COQ7: variants seen among roughly 807,000 people sequenced by gnomAD.
The protein encoded by COQ7 is NADPH-dependent 3-demethoxyubiquinone 3-hydroxylase, mitochondrial.
A neutral mutation model predicts 25.0 loss-of-function variants in COQ7; 21 were observed. That is an observed-to-expected ratio of 0.84 (90% CI 0.60 to 1.21). COQ7 has a LOEUF of 1.21. Among genes scored for constraint, COQ7 ranks in the 50% most tolerant of loss-of-function variants. COQ7 has a pLI of 0.00. For missense variants in COQ7, 311 were observed against 296.2 expected (o/e 1.05, Z -0.37); for synonymous variants, 125 against 112.4 (o/e 1.11, Z -0.71).
chr16:19,073,321 A>AAAAC, intron 2 of COQ7, among the ~76,000 whole-genome samples: 1 of 147,400 alleles, frequency 6.8e-6, no homozygotes, highest in East Asian at 1.9e-4. Flanking sequence ...AAAAACAAAA[A>AAAAC]AAACCGCACA....
intron 1 of COQ7, among the ~76,000 whole-genome samples, chr16:19,069,188 C>T (rs1962416822): frequency 6.6e-6 from 1 of 152,054 alleles, no homozygotes; most frequent in Non-Finnish European, 1.5e-5. Flanking sequence ...CACCGAGCCT[C>T]AATTTTACTT....
chr16:19,067,764 C>T (rs1360265992), intron 1 of COQ7, 27 bp downstream of exon 1: 9 of 1,590,132 alleles, frequency 5.7e-6, no homozygotes, highest in Non-Finnish European at 6.8e-6. Flanking sequence ...AGTCACAGTC[C>T]TGCGCCGGTC....
intron 2 of COQ7, among the ~76,000 whole-genome samples, chr16:19,073,099 A>T (rs1962647193): frequency 6.6e-6 from 1 of 152,088 alleles, no homozygotes; most frequent in Admixed American, 6.5e-5. Context: ...TGAGGTTAGG[A>T]GTTTGAGATC....
chr16:19,076,529 C>T (rs899387568), intron 4 of COQ7, among the ~76,000 whole-genome samples: 2 of 150,712 alleles, frequency 1.3e-5, no homozygotes, highest in Admixed American at 6.6e-5. Flanking sequence ...TCTTCTGCCT[C>T]GGCCTCCCAA....
At chr16:19,070,264 C>T (rs367640050) in intron 1 of COQ7, among the ~76,000 whole-genome samples, 2 of 152,308 alleles carry the variant, frequency 1.3e-5, no homozygotes, top group African/African-American at 4.8e-5. Context: ...TTTCACCAAC[C>T]CACCTCACTA....
chr16:19,076,446 T>G (rs1962844030), intron 4 of COQ7, among the ~76,000 whole-genome samples: 1 of 151,808 alleles, frequency 6.6e-6, no homozygotes, highest in Non-Finnish European at 1.5e-5. Context: ...ATTTTTAATT[T>G]TTAAAATTTT....
chr16:19,073,385 T>A (rs532318719), intron 2 of COQ7, among the ~76,000 whole-genome samples: 1 of 151,840 alleles, frequency 6.6e-6, no homozygotes, highest in African/African-American at 2.4e-5. Context: ...CCCAGCTAAT[T>A]TGAGAGGCCG....
At chr16:19,082,842 G>A (rs1963119146), downstream of COQ7, among the ~76,000 whole-genome samples, 2 of 151,804 alleles carry the variant, frequency 1.3e-5, no homozygotes, top group Admixed American at 6.6e-5. Flanking sequence ...AGTGAAAGAA[G>A]CCAGACACAA....
intron 3 of COQ7, among the ~76,000 whole-genome samples, chr16:19,075,199 A>ATT (rs71143834): frequency 1.0e-4 from 9 of 89,304 alleles, no homozygotes; most frequent in African/African-American, 2.7e-4. Context: ...ACCTAGGGAC[A>ATT]TTTTTTTTTT....
In COQ7 at chr16:19,078,471, T is replaced by C. The variant is rs191825438; in HGVS notation, c.*313T>C. ...TACATGCATATATATATATTTTATT[T>C]TATTTTATGTTTTTTGGAGACAGGG... is the stretch of plus-strand genomic sequence containing the variant. On this transcript the variant is annotated 3_prime_UTR_variant, in exon 6 of 6. Transcript: ENST00000321998. 6.1e-4 allele frequency: 97 copies of C among 158,392 alleles called. No homozygotes were observed. Among genetic ancestry groups the C allele is most frequent in the Non-Finnish European group, 1.0e-3 (73 of 72,380 alleles). The allele number at this position is 158,392 out of a possible 1,614,324, so 9.8% of individuals were successfully genotyped here. A position where few individuals can be genotyped will look rare whatever the true frequency, so the allele number is the denominator to read the frequency against.
chr16:19,067,831 G>T, intron 1 of COQ7, 94 bp downstream of exon 1: 1 of 1,526,350 alleles, frequency 6.6e-7, no homozygotes, highest in Non-Finnish European at 8.7e-7. Flanking sequence ...CGGGGGAGAG[G>T]TTCGTAACGT....
chr16:19,075,977 G>A (rs1596831805), intron 4 of COQ7, 117 bp downstream of exon 4: 1 of 1,347,652 alleles, frequency 7.4e-7, no homozygotes, highest in Non-Finnish European at 1.0e-6. Context: ...AGAGGCTCAG[G>A]TCAGTGCCTC....
intron 5 of COQ7, 43 bp from the exon 6 acceptor site, chr16:19,078,038 G>T: frequency 6.7e-7 from 1 of 1,500,514 alleles, no homozygotes; most frequent in South Asian, 1.2e-5. Flanking sequence ...AACCGAAAAT[G>T]AGCACATAAC....
rs985545828 is a variant in COQ7 at position 19,075,936 on chromosome 16, G to A, written c.507+76G>A. The stretch of plus-strand genomic sequence containing the variant: ...TAGCAATTGGGTAAGAGGAAAACAT[G>A]TTAGAGATTGTTAGGGGATGATGGG... On this transcript the variant is annotated intron_variant, in intron 4 of 5. Coordinates refer to ENST00000321998, the MANE Select transcript of COQ7 (RefSeq NM_016138.5). 23 of 1,578,806 alleles carry A rather than the reference G, an allele frequency of 1.5e-5. No homozygotes were observed. In the South Asian group the frequency reaches 1.8e-4, roughly 12 times the overall value.
At chr16:19,076,341 C>T (rs1286401772) in intron 4 of COQ7, among the ~76,000 whole-genome samples, 1 of 149,520 alleles carries the variant, frequency 6.7e-6, no homozygotes, top group Non-Finnish European at 1.5e-5. Context: ...GTAGTCCTCT[C>T]TCCTCAGCTT....
Position 19,078,286 on chromosome 16 carries a change from TTG to T in COQ7, c.*130_*131del. On this transcript the variant is annotated 3_prime_UTR_variant, in exon 6 of 6. Transcript: ENST00000321998. ...GAATTTTGTTAATAAATTATAAGGTTTGTTTTTTTTTTTTTAAACTCTGCAGT... is the reference window on the plus strand; with the variant it reads ...GAATTTTGTTAATAAATTATAAGGTTTTTTTTTTTTTTTAAACTCTGCAGT... 12 of 740,354 alleles carry T rather than the reference TTG, an allele frequency of 1.6e-5. No individual in the cohort carries two copies. Among genetic ancestry groups the T allele is most frequent in the African/African-American group, 1.2e-4 (6 of 52,102 alleles). 45.9% of individuals were successfully genotyped at this position (740,354 alleles called of 1,614,324 possible). A position where few individuals can be genotyped will look rare whatever the true frequency, so the allele number is the denominator to read the frequency against.
chr16:19,073,584 T>C (rs1962676475), intron 2 of COQ7, among the ~76,000 whole-genome samples: 1 of 152,226 alleles, frequency 6.6e-6, no homozygotes, highest in South Asian at 2.1e-4. Context: ...CTTCCTGATT[T>C]TGAAATGGGT....
chr16:19,067,782 C>T, intron 1 of COQ7, 45 bp downstream of exon 1: 1 of 1,575,420 alleles, frequency 6.3e-7, no homozygotes, highest in African/African-American at 1.4e-5. Context: ...GTCTAGCGAG[C>T]TAGGGAATTT....
chr16:19,075,456 A>G (rs1350962048), intron 3 of COQ7, among the ~76,000 whole-genome samples: 1 of 151,708 alleles, frequency 6.6e-6, no homozygotes, highest in African/African-American at 2.4e-5. Flanking sequence ...TCGGCCTCCC[A>G]AAGTGCTGGG....
Sources: gnomAD v4.1 joint callset for allele counts (sites outside exome capture counted in the v4.1 genomes callset) on GRCh38, gnomAD v4.1.1 for gene constraint, MANE v1.5 for transcripts, NCBI Gene and HGNC (gene_info 2026-07-23, HGNC 2026-07-21) for gene names.